Variants in CACNG8 observed in about 807,000 individuals in gnomAD.
The protein encoded by CACNG8 is calcium voltage-gated channel auxiliary subunit gamma 8.
In CACNG8, 5 loss-of-function variants were observed where a neutral mutation model predicts 26.9. The observed-to-expected ratio is 0.19, with a 90% confidence interval of 0.10 to 0.39. The LOEUF (loss-of-function observed/expected upper bound fraction) is 0.39. Among genes scored for constraint, CACNG8 ranks in the 10% least tolerant of loss-of-function variants. The pLI is 1.00. For synonymous variants in CACNG8, 321 were observed against 296.7 expected, an observed-to-expected ratio of 1.08 and a Z score of -0.84; for missense variants, 473 against 609.4, an observed-to-expected ratio of 0.78 and a Z score of 2.36.
At chr19:53,965,225 A>G (rs555973088) in intron 1 of CACNG8, among the ~76,000 whole-genome samples, 33 of 152,318 alleles carry the variant, frequency 2.2e-4, no homozygotes, top group Non-Finnish European at 2.9e-5. Context: ...TCCATTGCCA[A>G]CAGTTAAAAA....
chr19:53,965,952 C>T (rs1440685740), intron 1 of CACNG8, among the ~76,000 whole-genome samples: 1 of 152,046 alleles, frequency 6.6e-6, no homozygotes, highest in Non-Finnish European at 1.5e-5. Context: ...GGGAGTGTGG[C>T]TGTGTGTTGA....
rs1385716163 is a variant in CACNG8 at position 53,982,457 on chromosome 19, G to A, written c.886G>A (p.Gly296Ser). 1.3e-6 allele frequency: 2 copies of A among 1,516,344 alleles called. No individual in the cohort carries two copies. The highest frequency in any genetic ancestry group is 1.4e-5 in the African/African-American group (1 of 69,900). 93.9% of individuals were successfully genotyped at this position (1,516,344 alleles called of 1,614,324 possible). A position where few individuals can be genotyped will look rare whatever the true frequency, so the allele number is the denominator to read the frequency against. The change falls in exon 4 of 4, where the codon GGC (glycine) becomes AGC (serine). Residue 296 changes from glycine (G) to serine (S), a missense_variant. By Grantham distance (56) the Gly-to-Ser change is moderately conservative. This residue lies in a region of CACNG8 where 212 missense variants were observed against 214.4 expected (regional missense o/e 0.99). Transcript: ENST00000270458. The surrounding 1 kb of genome is among the most constrained non-coding windows in gnomAD (Gnocchi z 8.4). ...GGACGCGTCTCCCGGCGGCCCCGGG[G>A]GCCCGGGCTTTGCCTCCACGGACAT...
Position 53,963,101 on chromosome 19 carries a change from C to T in CACNG8, c.-42C>T. ...CGCCGGCACGGCCCCGCCCCCGCTG[C>T]CCCGGTGGTGGCCCACGGCCCCCCG... On this transcript the variant is annotated 5_prime_UTR_variant, in exon 1 of 4. Transcript: ENST00000270458. 7.2e-7 allele frequency: 1 copy of T among 1,393,224 alleles called. No homozygotes were observed. The highest frequency in any genetic ancestry group is 9.4e-7 in the Non-Finnish European group (1 of 1,066,198). The allele number at this position is 1,393,224 out of a possible 1,614,324, so 86.3% of individuals were successfully genotyped here.
intron 2 of CACNG8, among the ~76,000 whole-genome samples, chr19:53,978,908 A>G (rs1192054241): frequency 6.9e-6 from 1 of 143,994 alleles, no homozygotes; most frequent in African/African-American, 2.6e-5. Context: ...AAGGGAGTGA[A>G]GAGAAGAGAA....
At chr19:53,971,618 T>G (rs1258693570) in intron 1 of CACNG8, among the ~76,000 whole-genome samples, 1 of 152,150 alleles carries the variant, frequency 6.6e-6, no homozygotes, top group Non-Finnish European at 1.5e-5. Context: ...GACTCAAGAG[T>G]CTGGGCCCAC....
chr19:53,980,081 T>TAC lies in CACNG8; in HGVS notation c.508+74_508+75insAC, dbSNP rs1555815517. 5.6e-4 allele frequency: 714 copies of TAC among 1,279,558 alleles called. 5 individuals carry two copies. The highest frequency in any genetic ancestry group is 6.8e-4 in the Non-Finnish European group (659 of 963,622). 79.3% of individuals were successfully genotyped at this position (1,279,558 alleles called of 1,614,324 possible). On this transcript the variant is annotated intron_variant, in intron 3 of 3. Transcript: ENST00000270458. ...ACGTGTGTGTGTGTGTGTGTGTGTGTGTGTGCGCGCGCGCGCGTGAGTGCA... is the reference window on the plus strand; with the variant it reads ...ACGTGTGTGTGTGTGTGTGTGTGTGTACGTGTGCGCGCGCGCGCGTGAGTGCA...
chr19:53,966,459 C>T (rs1428100042), intron 1 of CACNG8, among the ~76,000 whole-genome samples: 1 of 152,136 alleles, frequency 6.6e-6, no homozygotes, highest in Non-Finnish European at 1.5e-5. Flanking sequence ...GTCACCCAGG[C>T]TGGCGTGCAG....
intron 3 of CACNG8, among the ~76,000 whole-genome samples, chr19:53,980,572 T>C (rs1441064316): frequency 6.6e-6 from 1 of 152,048 alleles, no homozygotes; most frequent in African/African-American, 2.4e-5. Context: ...AATCGGCCCT[T>C]GCCCGTGGCC....
chr19:53,966,183 G>A (rs186028435), intron 1 of CACNG8, among the ~76,000 whole-genome samples: 65 of 152,208 alleles, frequency 4.3e-4, no homozygotes, highest in African/African-American at 1.5e-3. Flanking sequence ...GGCCTCCTGG[G>A]TTCAAGCGAT....
In CACNG8 at chr19:53,989,274, A is replaced by G. The variant is rs1426105241; in HGVS notation, c.*6425A>G. ...AGAGCAAGACCCTGTCTCAGAAAACAGAAAGAAAGAAAGTCAAAGAAATAA... is the reference window on the plus strand; with the variant it reads ...AGAGCAAGACCCTGTCTCAGAAAACGGAAAGAAAGAAAGTCAAAGAAATAA... On this transcript the variant is annotated 3_prime_UTR_variant, in exon 4 of 4. Coordinates refer to ENST00000270458, the MANE Select transcript of CACNG8 (RefSeq NM_031895.6). 6.6e-6 allele frequency: 1 copy of G among 152,356 alleles called. No individual in the cohort carries two copies. The highest frequency in any genetic ancestry group is 2.4e-5 in the African/African-American group (1 of 41,426). 9.4% of individuals were successfully genotyped at this position (152,356 alleles called of 1,614,324 possible). A position where few individuals can be genotyped will look rare whatever the true frequency, so the allele number is the denominator to read the frequency against.
chr19:53,982,130 G>A lies in CACNG8; in HGVS notation c.559G>A (p.Glu187Lys), dbSNP rs751475664. 15 of 1,609,986 alleles carry A rather than the reference G, an allele frequency of 9.3e-6. No homozygotes were observed. The highest frequency in any genetic ancestry group is 1.7e-6 in the Non-Finnish European group (2 of 1,178,274). ...CGTGTACATCTCCGCCAACGCGGGC[G>A]AGCCGGGCCCGAAGCGGGACGAGGA... is the stretch of plus-strand genomic sequence containing the variant. Residue 187 changes from glutamate (E) to lysine (K), a missense_variant, in exon 4 of 4, where the codon GAG becomes AAG. By Grantham distance (56) the Glu-to-Lys change is moderately conservative. Transcript: ENST00000270458. The surrounding 1 kb of genome is among the most constrained non-coding windows in gnomAD (Gnocchi z 8.4).
chr19:53,976,246 C>T (rs1406742173), intron 1 of CACNG8, among the ~76,000 whole-genome samples: 1 of 152,212 alleles, frequency 6.6e-6, no homozygotes, highest in Non-Finnish European at 1.5e-5. Context: ...CCCAGCTACT[C>T]AGGAGGCTGA....
rs1600039480 is a variant in CACNG8, at chr19:53,983,000, T to C, written c.*151T>C. The C allele has an allele frequency of 6.2e-6, 2 of 323,572 alleles. No individual in the cohort carries two copies. The highest frequency in any genetic ancestry group is 9.7e-6 in the Non-Finnish European group (2 of 206,392). 20.0% of individuals were successfully genotyped at this position (323,572 alleles called of 1,614,324 possible). A position where few individuals can be genotyped will look rare whatever the true frequency, so the allele number is the denominator to read the frequency against. On this transcript the variant is annotated 3_prime_UTR_variant, in exon 4 of 4. Transcript: ENST00000270458. This position sits in a 1 kb window ranked among gnomAD's most constrained non-coding sequence, Gnocchi z 8.4. ...CCCACGCCCACCCTCCCCGCCCCCCTCCCCCTCCGAAGCAGGGACCCCGAG... is the reference window on the plus strand; with the variant it reads ...CCCACGCCCACCCTCCCCGCCCCCCCCCCCCTCCGAAGCAGGGACCCCGAG...
intron 2 of CACNG8, among the ~76,000 whole-genome samples, chr19:53,979,119 G>A (rs2069348451): frequency 6.8e-6 from 1 of 148,134 alleles, no homozygotes; most frequent in South Asian, 2.2e-4. Flanking sequence ...TTGTGGGTGG[G>A]GGTGGCTAGG....
chr19:53,982,212 T>A lies in CACNG8; in HGVS notation c.641T>A (p.Ile214Asn). 6.2e-7 allele frequency: 1 copy of A among 1,613,090 alleles called. No individual in the cohort carries two copies. The highest frequency in any genetic ancestry group is 8.5e-7 in the Non-Finnish European group (1 of 1,179,734). Reference sequence around the variant, plus strand: ...TTCTACTTCGGCGGGCTGTCGTTCATCCTGGCCGAGGTGATAGGCGTGCTG... The same window carrying A: ...TTCTACTTCGGCGGGCTGTCGTTCAACCTGGCCGAGGTGATAGGCGTGCTG... The change falls in exon 4 of 4, where the codon ATC (isoleucine) becomes AAC (asparagine). Residue 214 changes from isoleucine (I) to asparagine (N), a missense_variant. Physicochemically the swap from Ile to Asn is moderately radical, Grantham distance 149. Coordinates refer to ENST00000270458, the MANE Select transcript of CACNG8 (RefSeq NM_031895.6). This position sits in a 1 kb window ranked among gnomAD's most constrained non-coding sequence, Gnocchi z 8.4.
intron 2 of CACNG8, among the ~76,000 whole-genome samples, chr19:53,979,121 G>T (rs2069348477): frequency 6.8e-6 from 1 of 146,548 alleles, no homozygotes; most frequent in African/African-American, 2.5e-5. Context: ...GTGGGTGGGG[G>T]TGGCTAGGAA....
intron 3 of CACNG8, among the ~76,000 whole-genome samples, chr19:53,981,168 T>C (rs2069365393): frequency 6.6e-6 from 1 of 151,900 alleles, no homozygotes; most frequent in Non-Finnish European, 1.5e-5. Flanking sequence ...GAAGAGAGAT[T>C]AGATAAGTGA....
At chr19:53,973,346 A>G (rs576497001) in intron 1 of CACNG8, among the ~76,000 whole-genome samples, 2 of 152,020 alleles carry the variant, frequency 1.3e-5, no homozygotes, top group South Asian at 4.2e-4. Context: ...ACATGGTGAA[A>G]CCCCATCTCT....
intron 1 of CACNG8, among the ~76,000 whole-genome samples, chr19:53,968,495 C>T (rs2069283796): frequency 2.0e-5 from 3 of 151,660 alleles, no homozygotes; most frequent in African/African-American, 4.8e-5. Context: ...GATGGCCGGG[C>T]GCGGTGGCTC....
Sources: gnomAD v4.1 joint callset for allele counts (sites outside exome capture counted in the v4.1 genomes callset) on GRCh38, gnomAD v4.1.1 for gene constraint, gnomAD v4.1.1 regional missense constraint, Gnocchi (gnomAD v3.1) non-coding constraint, MANE v1.5 for transcripts, NCBI Gene and HGNC (gene_info 2026-07-23, HGNC 2026-07-21) for gene names.